Variants in AOPEP observed in about 807,000 individuals in gnomAD.
AOPEP encodes the protein aminopeptidase O (putative).
In AOPEP, 77 loss-of-function variants were observed where a neutral mutation model predicts 98.1. The observed-to-expected ratio is 0.78, with a 90% CI of 0.65 to 0.95. The LOEUF (loss-of-function observed/expected upper bound fraction) is 0.95. Among genes scored for constraint, AOPEP ranks in the 40% least tolerant of loss-of-function variants. The pLI is 0.00. For missense variants in AOPEP, 1,024 were observed against 1,024.7 expected, an observed-to-expected ratio of 1.00 and a Z score of 0.01; for synonymous variants, 346 against 365.3, an observed-to-expected ratio of 0.95 and a Z score of 0.60.
chr9:94,927,436 G>C (rs1394476637), intron 6 of AOPEP, among the ~76,000 whole-genome samples: 1 of 152,172 alleles, frequency 6.6e-6, no homozygotes, highest in Non-Finnish European at 1.5e-5. Flanking sequence ...ATGGTAGTCT[G>C]CTCCAGGCCT....
intron 2 of AOPEP, among the ~76,000 whole-genome samples, chr9:94,766,334 C>G (rs188280425): frequency 2.6e-5 from 4 of 152,138 alleles, no homozygotes; most frequent in Admixed American, 6.5e-5. Context: ...GTCAGGAGAT[C>G]GAGACCATCC....
At chr9:94,922,875 G>A (rs1341080172) in intron 5 of AOPEP, among the ~76,000 whole-genome samples, 1 of 152,222 alleles carries the variant, frequency 6.6e-6, no homozygotes, top group Non-Finnish European at 1.5e-5. Flanking sequence ...AGCTGAATGG[G>A]TGATGTTGTG....
intron 5 of AOPEP, among the ~76,000 whole-genome samples, chr9:94,903,453 G>A (rs906218522): frequency 1.3e-5 from 2 of 151,776 alleles, no homozygotes; most frequent in African/African-American, 2.4e-5. Flanking sequence ...TACAGTAATC[G>A]AATTGGTTGA....
At chr9:95,117,176 T>TG in the AOPEP span, 3 of 775,812 alleles carry the variant, frequency 3.9e-6, no homozygotes, top group Non-Finnish European at 6.7e-6. Context: ...TGTGGGATCC[T>TG]GGGGGCTTAA....
chr9:94,985,626 T>C (rs2060470799), intron 11 of AOPEP, among the ~76,000 whole-genome samples: 1 of 152,230 alleles, frequency 6.6e-6, no homozygotes, highest in African/African-American at 2.4e-5. Flanking sequence ...TTTGCAAATT[T>C]CAGAGAAAGT....
chr9:94,774,398 A>T (rs573099364), intron 3 of AOPEP, among the ~76,000 whole-genome samples: 57 of 151,870 alleles, frequency 3.8e-4, no homozygotes, highest in African/African-American at 1.1e-3. Context: ...AAAATAAATT[A>T]AAAAAATTAT....
chr9:94,927,542 C>T (rs1187590676), intron 6 of AOPEP, among the ~76,000 whole-genome samples: 1 of 152,214 alleles, frequency 6.6e-6, no homozygotes, highest in Non-Finnish European at 1.5e-5. Flanking sequence ...CCCCGGCCGA[C>T]TCCTCCTTCC....
At chr9:95,040,919 T>TTA in intron 13 of AOPEP, among the ~76,000 whole-genome samples, 1 of 16,438 alleles carries the variant, frequency 6.1e-5, no homozygotes. Context: ...GTAAACAGTC[T>TTA]CCCTTCCTCA....
intron 5 of AOPEP, among the ~76,000 whole-genome samples, chr9:94,849,351 C>T (rs1768540002): frequency 6.6e-6 from 1 of 152,092 alleles, no homozygotes; most frequent in South Asian, 2.1e-4. Flanking sequence ...AAGCAGTTCC[C>T]AGCACATAGT....
the AOPEP span, chr9:95,123,625 T>C: frequency 4.9e-6 from 3 of 607,126 alleles, no homozygotes; most frequent in Non-Finnish European, 9.5e-6. Flanking sequence ...AGGACAAGGC[T>C]ATTAACAAAT....
chr9:95,031,258 G>A (rs1587695154), intron 13 of AOPEP, among the ~76,000 whole-genome samples: 2 of 152,232 alleles, frequency 1.3e-5, no homozygotes, highest in African/African-American at 4.8e-5. Context: ...TTACCAGTAT[G>A]TATTTAATGA....
chr9:94,945,256 C>T (rs185197044), intron 7 of AOPEP, among the ~76,000 whole-genome samples: 12 of 152,286 alleles, frequency 7.9e-5, no homozygotes, highest in African/African-American at 2.9e-4. Flanking sequence ...ATAATAGAAT[C>T]CTGGCTAGTG....
At chr9:95,021,245 A>G (rs2063431906) in intron 13 of AOPEP, among the ~76,000 whole-genome samples, 1 of 152,230 alleles carries the variant, frequency 6.6e-6, no homozygotes, top group African/African-American at 2.4e-5. Context: ...GCAGGGCAAA[A>G]TGGGTAGGAA....
At chr9:94,933,071 C>T in intron 7 of AOPEP, 1 of 985,634 alleles carries the variant, frequency 1.0e-6, no homozygotes, top group Non-Finnish European at 1.2e-6. Context: ...TCCTCTCTGG[C>T]CCTGGGCAGA....
At chr9:95,018,784 A>G (rs1376055116) in intron 13 of AOPEP, 1 of 152,206 alleles carries the variant, frequency 6.6e-6, no homozygotes, top group Non-Finnish European at 1.5e-5. Context: ...CTCCACAGTG[A>G]CTGTGCAACC....
intron 7 of AOPEP, chr9:94,933,007 T>C: frequency 1.0e-6 from 1 of 985,418 alleles, no homozygotes; most frequent in African/African-American, 1.7e-5. Context: ...TGTTAATTAT[T>C]GAAGATGTCT....
intron 7 of AOPEP, chr9:94,931,647 C>A: frequency 1.0e-6 from 1 of 990,188 alleles, no homozygotes; most frequent in Non-Finnish European, 1.6e-6. Context: ...TTCTTTCTTT[C>A]AAGATGCCCC....
At chr9:95,111,777 T>C in the AOPEP span, 14 of 994,034 alleles carry the variant, frequency 1.4e-5, no homozygotes, top group African/African-American at 3.2e-5. Flanking sequence ...GAATACAATT[T>C]AGATTCAGAA....
chr9:95,131,307 C>T, the AOPEP span, among the ~76,000 whole-genome samples: 3 of 152,236 alleles, frequency 2.0e-5, no homozygotes, highest in African/African-American at 7.2e-5. Context: ...ATCCAATTAG[C>T]CCGGGTAGCC....
Sources: allele counts gnomAD v4.1 joint callset (sites outside exome capture counted in the v4.1 genomes callset), GRCh38; gene constraint gnomAD v4.1.1; transcripts MANE v1.5; gene names NCBI Gene and HGNC (gene_info 2026-07-23, HGNC 2026-07-21).